SLC35F1: variants seen among roughly 807,000 people sequenced by gnomAD.
SLC35F1 encodes chromosome 6 open reading frame 169.
SLC35F1 carries 14 observed loss-of-function variants against 48.7 expected under a neutral mutation model. The ratio of observed to expected loss-of-function variants is 0.29; its 90% confidence interval spans 0.19 to 0.45. The LOEUF is 0.45. Ranked by LOEUF, SLC35F1 falls within the 20% of genes least tolerant of loss-of-function variation. The probability of loss-of-function intolerance (pLI) is 1.00; values close to 1 mark genes in which losing one functional copy is unlikely to be tolerated. For synonymous variants in SLC35F1, 190 were observed against 202.2 expected, an observed-to-expected ratio of 0.94 and a Z score of 0.51; for missense variants, 404 against 500.0, an observed-to-expected ratio of 0.81 and a Z score of 1.83.
intron 1 of SLC35F1, among the ~76,000 whole-genome samples, chr6:118,121,047 G>A (rs1287419955): frequency 6.6e-6 from 1 of 151,982 alleles, no homozygotes; most frequent in Non-Finnish European, 1.5e-5. Context: ...AGAAGATAGG[G>A]TGCCAGTTAA....
At chr6:117,917,717 C>A (rs1775843903) in intron 1 of SLC35F1, among the ~76,000 whole-genome samples, 1 of 115,942 alleles carries the variant, frequency 8.6e-6, no homozygotes, top group Admixed American at 8.9e-5. Flanking sequence ...GTGAAACGGT[C>A]AAAAGAAAGC....
intron 1 of SLC35F1, among the ~76,000 whole-genome samples, chr6:118,014,964 G>T (rs1480464643): frequency 6.6e-6 from 1 of 152,120 alleles, no homozygotes; most frequent in Non-Finnish European, 1.5e-5. Context: ...TCCACGTGTT[G>T]TGGGAGGGAC....
chr6:118,258,117 C>T (rs1474433705), intron 3 of SLC35F1, among the ~76,000 whole-genome samples: 1 of 152,040 alleles, frequency 6.6e-6, no homozygotes, highest in Non-Finnish European at 1.5e-5. Context: ...AACCTACTGG[C>T]CTTTTCCTGC....
At chr6:118,072,291 A>G (rs1772743415) in intron 1 of SLC35F1, among the ~76,000 whole-genome samples, 1 of 152,114 alleles carries the variant, frequency 6.6e-6, no homozygotes, top group Admixed American at 6.5e-5. Context: ...TTGACCAGGC[A>G]CGGTGGCTCA....
At chr6:118,143,501 C>T (rs981125580) in intron 1 of SLC35F1, among the ~76,000 whole-genome samples, 9 of 152,126 alleles carry the variant, frequency 5.9e-5, no homozygotes, top group Non-Finnish European at 1.3e-4. Context: ...CTTAAATATT[C>T]CTCATTTCTT....
intron 1 of SLC35F1, among the ~76,000 whole-genome samples, chr6:117,993,824 A>T (rs79013389): frequency 6.6e-6 from 1 of 152,208 alleles, no homozygotes; most frequent in Non-Finnish European, 1.5e-5. Context: ...GGTGGCACAA[A>T]GGGCAGGCAG....
intron 4 of SLC35F1, among the ~76,000 whole-genome samples, chr6:118,267,740 G>A (rs1272547519): frequency 1.3e-5 from 2 of 152,154 alleles, no homozygotes; most frequent in Non-Finnish European, 2.9e-5. Flanking sequence ...TTTGCTTTGC[G>A]AGGAGGGGTT....
chr6:118,267,465 C>T (rs1374172371), intron 4 of SLC35F1, among the ~76,000 whole-genome samples: 10 of 152,192 alleles, frequency 6.6e-5, no homozygotes, highest in Non-Finnish European at 1.5e-5. Context: ...TCAGTCCGTT[C>T]CTGAACCAGC....
intron 1 of SLC35F1, among the ~76,000 whole-genome samples, chr6:118,113,982 A>G (rs1773443446): frequency 6.6e-6 from 1 of 152,252 alleles, no homozygotes; most frequent in African/African-American, 2.4e-5. Context: ...ACTCAGCATA[A>G]TGTGATACAT....
chr6:118,006,732 C>G (rs1342940190), intron 1 of SLC35F1, among the ~76,000 whole-genome samples: 1 of 151,966 alleles, frequency 6.6e-6, no homozygotes, highest in African/African-American at 2.4e-5. Flanking sequence ...ACATTTAATG[C>G]AAAAATTTCC....
At chr6:118,130,174 G>C (rs528232650) in intron 1 of SLC35F1, among the ~76,000 whole-genome samples, 50 of 152,308 alleles carry the variant, frequency 3.3e-4, no homozygotes, top group Middle Eastern at 3.4e-3. Context: ...ATGGAAATTA[G>C]TAGAAGTACC....
At chr6:117,994,311 C>T (rs1776957861) in intron 1 of SLC35F1, among the ~76,000 whole-genome samples, 1 of 152,132 alleles carries the variant, frequency 6.6e-6, no homozygotes, top group African/African-American at 2.4e-5. Flanking sequence ...AGAAAATTCT[C>T]TTAAGAGCTC....
At chr6:118,047,708 G>A (rs1383911700) in intron 1 of SLC35F1, among the ~76,000 whole-genome samples, 2 of 152,054 alleles carry the variant, frequency 1.3e-5, no homozygotes, top group Non-Finnish European at 2.9e-5. Flanking sequence ...ATTTAAAACT[G>A]GCTCTGGAAA....
chr6:118,165,354 G>T (rs1774302037), intron 2 of SLC35F1, among the ~76,000 whole-genome samples: 1 of 152,036 alleles, frequency 6.6e-6, no homozygotes. Context: ...GGGGAAAAAT[G>T]GTAAGAAAAG....
intron 1 of SLC35F1, among the ~76,000 whole-genome samples, chr6:118,001,843 T>C (rs1374313973): frequency 2.6e-5 from 4 of 151,824 alleles, no homozygotes; most frequent in Non-Finnish European, 5.9e-5. Context: ...AAAAAACATA[T>C]GAAAAAATGC....
At chr6:118,279,323 T>A (rs1433990168) in intron 6 of SLC35F1, among the ~76,000 whole-genome samples, 4 of 152,154 alleles carry the variant, frequency 2.6e-5, no homozygotes, top group Non-Finnish European at 5.9e-5. Flanking sequence ...CAAAGGGGAA[T>A]CAAATACTCA....
At chr6:118,310,585 A>G (rs1180704628) in intron 7 of SLC35F1, among the ~76,000 whole-genome samples, 1 of 152,080 alleles carries the variant, frequency 6.6e-6, no homozygotes, top group Non-Finnish European at 1.5e-5. Flanking sequence ...ATTAATCATA[A>G]TGCTTGCTTG....
chr6:117,997,974 A>G (rs1187851202), intron 1 of SLC35F1, among the ~76,000 whole-genome samples: 1 of 150,704 alleles, frequency 6.6e-6, no homozygotes, highest in Non-Finnish European at 1.5e-5. Flanking sequence ...AAAGACACAG[A>G]CTGGCAAATT....
At chr6:117,917,601 G>A (rs1775842503) in intron 1 of SLC35F1, among the ~76,000 whole-genome samples, 1 of 152,124 alleles carries the variant, frequency 6.6e-6, no homozygotes, top group South Asian at 2.1e-4. Flanking sequence ...TGAGCAATTG[G>A]GTGAGCGATG....
Sources: gnomAD v4.1 joint callset for allele counts (sites outside exome capture counted in the v4.1 genomes callset) on GRCh38, gnomAD v4.1.1 for gene constraint, MANE v1.5 for transcripts, NCBI Gene and HGNC (gene_info 2026-07-23, HGNC 2026-07-21) for gene names.